The following PRDM2 variants were observed in gnomAD, a reference collection of about 807,000 sequenced individuals.
PRDM2 encodes PR domain zinc finger protein 2.
A neutral mutation model predicts 130.0 loss-of-function variants in PRDM2; 30 were observed. The observed-to-expected ratio is 0.23, with a 90% CI of 0.17 to 0.31. The LOEUF is 0.31. Ranked by LOEUF, PRDM2 falls within the 10% of genes least tolerant of loss-of-function variation. PRDM2 has a pLI of 1.00. For missense variants in PRDM2, 2,011 were observed against 2,108.4 expected, an observed-to-expected ratio of 0.95 and a Z score of 0.90; for synonymous variants, 871 against 782.4, an observed-to-expected ratio of 1.11 and a Z score of -1.89.
intron 6 of PRDM2, among the ~76,000 whole-genome samples, chr1:13,758,694 G>GCA (rs1302911216): frequency 6.6e-6 from 1 of 152,138 alleles, no homozygotes; most frequent in Non-Finnish European, 1.5e-5. Context: ...AAAATTCTCA[G>GCA]TGTTCTGGAG....
At chr1:13,818,660 C>T (rs928172269) in intron 9 of PRDM2, among the ~76,000 whole-genome samples, 1 of 152,008 alleles carries the variant, frequency 6.6e-6, no homozygotes, top group Non-Finnish European at 1.5e-5. Flanking sequence ...GCTGGGATTA[C>T]AGGCGTGAGC....
chr1:13,733,363 A>G (rs1453981828), intron 4 of PRDM2, among the ~76,000 whole-genome samples: 2 of 152,216 alleles, frequency 1.3e-5, no homozygotes, highest in Non-Finnish European at 2.9e-5. Flanking sequence ...TTTTTCATCT[A>G]TTAATTTCAT....
chr1:13,816,696 G>A (rs56310358), intron 9 of PRDM2, 126 bp downstream of exon 9: 20,391 of 1,273,852 alleles, frequency 0.016, 357 homozygotes, highest in South Asian at 0.077. Context: ...TACCAGGCAC[G>A]GTGCAGGGCC....
At chr1:13,716,812 C>G (rs1357061229) in intron 2 of PRDM2, among the ~76,000 whole-genome samples, 1 of 152,092 alleles carries the variant, frequency 6.6e-6, no homozygotes, top group Non-Finnish European at 1.5e-5. Context: ...TGTTCATAAG[C>G]ACTTACTTTT....
chr1:13,708,614 G>A (rs1642279181), intron 1 of PRDM2, among the ~76,000 whole-genome samples: 1 of 152,180 alleles, frequency 6.6e-6, no homozygotes, highest in South Asian at 2.1e-4. Flanking sequence ...TCTGTCTGTC[G>A]TGTTCTAGGC....
At chr1:13,725,691 A>G (rs562493268) in intron 2 of PRDM2, among the ~76,000 whole-genome samples, 4 of 152,264 alleles carry the variant, frequency 2.6e-5, no homozygotes, top group African/African-American at 9.6e-5. Context: ...CACCAGAATG[A>G]TGACATTTTC....
rs951546465 is a variant in PRDM2 at position 13,779,523 on chromosome 1, T to C, written c.1728T>C (p.Thr576=). Residue 576 remains threonine (T), a synonymous_variant, in exon 8 of 10, where the codon ACT becomes ACC. Coordinates refer to ENST00000311066, the MANE Select transcript of PRDM2 (RefSeq NM_001393986.1). This position sits in a 1 kb window ranked among gnomAD's most constrained non-coding sequence, Gnocchi z 4.9. ...LNYYIDGKIQ[T]NNNTSNCDVI... ...ACTATATTGATGGTAAAATTCAAACTAATAACAACACTAGTAACTGTGATG... is the reference window on the plus strand; with the variant it reads ...ACTATATTGATGGTAAAATTCAAACCAATAACAACACTAGTAACTGTGATG... The C allele has an allele frequency of 5.6e-6, 9 of 1,614,004 alleles. No individual in the cohort carries two copies. The African/African-American group carries it at 1.2e-4, about 22-fold the overall frequency.
At position 13,780,356 on chromosome 1, in the gene PRDM2, A is replaced by G; in HGVS notation, c.2561A>G (p.Lys854Arg). ...WESVLDLSVHKKHCSDSEGKE... is the reference protein window; with the variant it reads ...WESVLDLSVHRKHCSDSEGKE... ...TCTGTCTTAGATCTCAGTGTGCATA[A>G]AAAGCATTGTAGTGACTCTGAAGGC... The change falls in exon 8 of 10, where the codon AAA becomes AGA. Residue 854 changes from lysine to arginine, a missense_variant. This residue lies in a region of PRDM2 where 1,288 missense variants were observed against 1,237.7 expected (regional missense o/e 1.04). Transcript: ENST00000311066. 1 of 1,614,188 alleles carries G rather than the reference A, an allele frequency of 6.2e-7. No individual in the cohort carries two copies. The highest frequency in any genetic ancestry group is 8.5e-7 in the Non-Finnish European group (1 of 1,180,032).
chr1:13,797,688 A>T (rs1644943368), intron 8 of PRDM2, among the ~76,000 whole-genome samples: 1 of 152,134 alleles, frequency 6.6e-6, no homozygotes, highest in Admixed American at 6.5e-5. Context: ...AGTTTGGATC[A>T]TCTCCCCAGG....
chr1:13,764,669 C>G (rs1360500189), intron 6 of PRDM2, among the ~76,000 whole-genome samples: 1 of 152,242 alleles, frequency 6.6e-6, no homozygotes, highest in East Asian at 1.9e-4. Context: ...CCTGCAGCCT[C>G]CACAGCTGCA....
rs893302296 is a variant in PRDM2, at chr1:13,771,278, T to C, written c.512-1800T>C. Among the ~76,000 whole-genome samples the C allele has an allele frequency of 1.3e-5, 2 of 152,196 alleles. No homozygotes were observed. The highest frequency in any genetic ancestry group is 4.8e-5 in the African/African-American group (2 of 41,452). Reference sequence around the variant, plus strand: ...TCTCCATGCAGATCCTTCACTCTTGTTATCACCAGAGTGTGGTCCCGGTGA... The same window carrying C: ...TCTCCATGCAGATCCTTCACTCTTGCTATCACCAGAGTGTGGTCCCGGTGA... On this transcript the variant is annotated intron_variant, in intron 6 of 9. Coordinates refer to ENST00000311066, the MANE Select transcript of PRDM2 (RefSeq NM_001393986.1). This position sits in a 1 kb window ranked among gnomAD's most constrained non-coding sequence, Gnocchi z 4.1.
chr1:13,786,258 C>T (rs554295088), intron 8 of PRDM2, among the ~76,000 whole-genome samples: 1 of 138,584 alleles, frequency 7.2e-6, no homozygotes, highest in Non-Finnish European at 1.6e-5. Context: ...TTTCCATTTA[C>T]CAGGAATTGA....
rs1390807879 is a variant in PRDM2 at position 13,780,484 on chromosome 1, A to G, written c.2689A>G (p.Asn897Asp). ...MLQKVLLNEYNGIDLPVENPA... is the reference protein window; with the variant it reads ...MLQKVLLNEYDGIDLPVENPA... Reference sequence around the variant, plus strand: ...GCAGAAGGTTCTTCTCAATGAATATAATGGCATCGATTTACCTGTAGAAAA... The same window carrying G: ...GCAGAAGGTTCTTCTCAATGAATATGATGGCATCGATTTACCTGTAGAAAA... Residue 897 changes from asparagine to aspartate, a missense_variant, in exon 8 of 10, where the codon AAT (asparagine) becomes GAT (aspartate). Coordinates refer to ENST00000311066, the MANE Select transcript of PRDM2 (RefSeq NM_001393986.1). 6.8e-6 allele frequency: 11 copies of G among 1,614,086 alleles called. No homozygotes were observed. Among genetic ancestry groups the G allele is most frequent in the African/African-American group, 1.3e-5 (1 of 74,922 alleles).
intron 8 of PRDM2, among the ~76,000 whole-genome samples, chr1:13,785,278 A>G (rs188879611): frequency 2.2e-4 from 34 of 152,212 alleles, no homozygotes; most frequent in African/African-American, 8.2e-4. Context: ...GTCGAGGAAT[A>G]CTCACTTTCA....
intron 8 of PRDM2, among the ~76,000 whole-genome samples, chr1:13,791,979 ACCATGGCAGGAAGT>A (rs1644848149): frequency 6.6e-6 from 1 of 152,144 alleles, no homozygotes; most frequent in Non-Finnish European, 1.5e-5. Flanking sequence ...CAGCTAATAA[ACCATGGCAGGAAGT>A]CAACAGAACA....
chr1:13,769,236 G>A, intron 6 of PRDM2: 1 of 872,542 alleles, frequency 1.1e-6, no homozygotes, highest in Non-Finnish European at 1.4e-6. Context: ...CTCACAGAGA[G>A]AAGCTCACAA....
At position 13,749,472 on chromosome 1, in the gene PRDM2, C is replaced by A. The variant is rs1333619570; in HGVS notation, c.496C>A (p.Pro166Thr). ...CAGCGCCCGGAGCAAGCGGAGCTCC[C>A]CCAAGAGCCGGAAAGGTAGGAGCCC... ...RASARSKRSS[P>T]KSRKGKKKSQ... Residue 166 changes from proline to threonine, a missense_variant, in exon 6 of 10, where the codon CCC becomes ACC. Around this residue, in one of 5 missense-constraint regions of PRDM2, gnomAD observed 1,288 missense variants for 1,237.7 expected, o/e 1.04. Coordinates refer to ENST00000311066, the MANE Select transcript of PRDM2 (RefSeq NM_001393986.1). 5 of 1,477,196 alleles carry A rather than the reference C, an allele frequency of 3.4e-6. No homozygotes were observed. Among genetic ancestry groups the A allele is most frequent in the Admixed American group, 3.8e-5 (2 of 52,654 alleles). 91.5% of individuals were successfully genotyped at this position (1,477,196 alleles called of 1,614,324 possible).
rs773059356 is a variant in PRDM2, at chr1:13,779,040, G to T, written c.1245G>T (p.Gly415=). ...RRRHERRHEA[G]LKRKPSQTLQ... The stretch of plus-strand genomic sequence containing the variant: ...GACATGAGCGGCGCCATGAAGCAGG[G>T]TTAAAGCGGAAACCCAGCCAAACAC... Residue 415 remains glycine, a synonymous_variant, in exon 8 of 10, where the codon GGG becomes GGT. Coordinates refer to ENST00000311066, the MANE Select transcript of PRDM2 (RefSeq NM_001393986.1). The surrounding 1 kb of genome is among the most constrained non-coding windows in gnomAD (Gnocchi z 4.9). 6.2e-7 allele frequency: 1 copy of T among 1,614,060 alleles called. No homozygotes were observed. The highest frequency in any genetic ancestry group is 8.5e-7 in the Non-Finnish European group (1 of 1,180,024).
intron 2 of PRDM2, among the ~76,000 whole-genome samples, chr1:13,728,863 C>T (rs1179642993): frequency 2.0e-5 from 3 of 152,110 alleles, no homozygotes; most frequent in Admixed American, 2.0e-4. Flanking sequence ...CTAACTTGTA[C>T]TCAAGTTACA....
Sources: allele counts gnomAD v4.1 joint callset (sites outside exome capture counted in the v4.1 genomes callset), GRCh38; gene constraint gnomAD v4.1.1; regional missense constraint gnomAD v4.1.1; non-coding constraint Gnocchi (gnomAD v3.1); transcripts MANE v1.5; gene names NCBI Gene and HGNC (gene_info 2026-07-23, HGNC 2026-07-21).